The following USH2A variants were observed in gnomAD, a reference collection of about 807,000 sequenced individuals.
USH2A encodes the protein Usher syndrome 2A (autosomal recessive, mild).
USH2A carries 443 observed loss-of-function variants against 538.9 expected under a neutral mutation model. The observed-to-expected ratio is 0.82, with a 90% CI of 0.76 to 0.89. The LOEUF (loss-of-function observed/expected upper bound fraction) is 0.89. Ranked by LOEUF, USH2A falls within the 40% of genes least tolerant of loss-of-function variation. The pLI, the probability that USH2A is intolerant of heterozygous loss-of-function variation, is 0.00. For missense variants in USH2A, 6,633 were observed against 6,324.8 expected (o/e 1.05, Z -1.65); for synonymous variants, 2,413 against 2,273.5 (o/e 1.06, Z -1.75).
At chr1:215,859,224 C>T (rs551448887) in intron 44 of USH2A, among the ~76,000 whole-genome samples, 101 of 152,118 alleles carry the variant, frequency 6.6e-4, no homozygotes, top group African/African-American at 2.3e-3. Context: ...CTTTTTTCAA[C>T]CAAACAAGAA....
chr1:215,771,437 G>T (rs912354086), intron 55 of USH2A, among the ~76,000 whole-genome samples: 40 of 150,444 alleles, frequency 2.7e-4, no homozygotes, highest in Admixed American at 2.4e-3. Context: ...AAAATTAGCC[G>T]GGCGTAGTGG....
chr1:216,202,024 T>C (rs2035012508), intron 16 of USH2A, among the ~76,000 whole-genome samples: 1 of 152,132 alleles, frequency 6.6e-6, no homozygotes, highest in African/African-American at 2.4e-5. Flanking sequence ...ATTTACTAGA[T>C]TAGATTAAAG....
At chr1:216,083,411 G>A in intron 26 of USH2A, 45 bp downstream of exon 26, 2 of 1,585,190 alleles carry the variant, frequency 1.3e-6, no homozygotes, top group African/African-American at 2.7e-5. Context: ...TTTTAAAGTT[G>A]GGTCCTATAT....
intron 15 of USH2A, among the ~76,000 whole-genome samples, chr1:216,209,451 A>G (rs1372224813): frequency 6.6e-6 from 1 of 152,196 alleles, no homozygotes; most frequent in Admixed American, 6.5e-5. Flanking sequence ...AAAAGTAGGG[A>G]ACAGTAAAGT....
At chr1:215,863,291 T>C (rs1352978947) in intron 44 of USH2A, among the ~76,000 whole-genome samples, 1 of 151,972 alleles carries the variant, frequency 6.6e-6, no homozygotes, top group African/African-American at 2.4e-5. Flanking sequence ...AGGAAGACAA[T>C]GGAAAAGTCA....
chr1:215,900,465 T>C (rs543185469), intron 39 of USH2A, among the ~76,000 whole-genome samples: 3 of 152,314 alleles, frequency 2.0e-5, no homozygotes, highest in South Asian at 4.1e-4. Context: ...AGAATAGGTA[T>C]TATAATTTGT....
chr1:215,681,542 A>T (rs577931991), intron 61 of USH2A, among the ~76,000 whole-genome samples: 1 of 152,332 alleles, frequency 6.6e-6, no homozygotes, highest in East Asian at 1.9e-4. Context: ...AAAGTGGAGT[A>T]GTGAAAGTTA....
intron 64 of USH2A, among the ~76,000 whole-genome samples, chr1:215,654,228 T>C (rs2102647649): frequency 6.6e-6 from 1 of 152,284 alleles, no homozygotes; most frequent in Non-Finnish European, 1.5e-5. Flanking sequence ...CGTGCAGGTT[T>C]GTTACATAGG....
At chr1:215,694,775 T>C (rs1021670457) in intron 61 of USH2A, among the ~76,000 whole-genome samples, 3 of 152,338 alleles carry the variant, frequency 2.0e-5, no homozygotes, top group East Asian at 1.9e-4. Context: ...TAGGATTTCA[T>C]TGTAAGGATT....
intron 3 of USH2A, among the ~76,000 whole-genome samples, chr1:216,378,705 C>T (rs2038879790): frequency 6.6e-6 from 1 of 151,956 alleles, no homozygotes; most frequent in South Asian, 2.1e-4. Flanking sequence ...CCTCACCCAC[C>T]CCTCACCAGG....
intron 46 of USH2A, among the ~76,000 whole-genome samples, chr1:215,838,558 A>G (rs1191188854): frequency 2.0e-5 from 3 of 152,192 alleles, no homozygotes; most frequent in Admixed American, 2.0e-4. Flanking sequence ...TGGAGGAAAA[A>G]TGAGGCCTAG....
At chr1:215,777,077 G>A (rs1247454287) in intron 55 of USH2A, among the ~76,000 whole-genome samples, 4 of 152,074 alleles carry the variant, frequency 2.6e-5, no homozygotes, top group African/African-American at 9.7e-5. Flanking sequence ...GTAGAACAGG[G>A]AGATTGGTCA....
At chr1:216,080,512 C>A (rs1175715337) in intron 26 of USH2A, among the ~76,000 whole-genome samples, 2 of 152,012 alleles carry the variant, frequency 1.3e-5, no homozygotes, top group South Asian at 2.1e-4. Flanking sequence ...AATGTACAGT[C>A]ATTTTAGGGA....
At chr1:215,884,442 T>A (rs759135035) in intron 41 of USH2A, among the ~76,000 whole-genome samples, 8 of 152,124 alleles carry the variant, frequency 5.3e-5, no homozygotes, top group Non-Finnish European at 1.0e-4. Flanking sequence ...CAGAACCCTA[T>A]TGCCTGGGTG....
intron 61 of USH2A, among the ~76,000 whole-genome samples, chr1:215,698,805 T>C (rs1341575653): frequency 1.3e-5 from 2 of 152,230 alleles, no homozygotes; most frequent in Non-Finnish European, 2.9e-5. Context: ...TTTCTTTTGC[T>C]GTGCAGAAGC....
chr1:216,289,623 A>T (rs1165750883), intron 10 of USH2A, among the ~76,000 whole-genome samples: 2 of 152,150 alleles, frequency 1.3e-5, no homozygotes, highest in Non-Finnish European at 2.9e-5. Context: ...TTAAACTCCC[A>T]TCTGTTATAT....
chr1:216,178,763 C>T (rs1388555040), intron 20 of USH2A, among the ~76,000 whole-genome samples: 1 of 152,034 alleles, frequency 6.6e-6, no homozygotes, highest in Non-Finnish European at 1.5e-5. Flanking sequence ...AATACGGTAA[C>T]CACTAGCCTT....
chr1:216,268,422 T>G (rs1214970949), intron 11 of USH2A, among the ~76,000 whole-genome samples: 1 of 152,114 alleles, frequency 6.6e-6, no homozygotes, highest in Non-Finnish European at 1.5e-5. Flanking sequence ...TGTAAACATG[T>G]TTAGCATCAT....
intron 47 of USH2A, among the ~76,000 whole-genome samples, chr1:215,833,184 T>C (rs1342893723): frequency 6.6e-6 from 1 of 151,924 alleles, no homozygotes; most frequent in Non-Finnish European, 1.5e-5. Flanking sequence ...ACATGTTTTG[T>C]AGATATCAAT....
Sources: gnomAD v4.1 joint callset for allele counts (sites outside exome capture counted in the v4.1 genomes callset) on GRCh38, gnomAD v4.1.1 for gene constraint, MANE v1.5 for transcripts, NCBI Gene and HGNC (gene_info 2026-07-23, HGNC 2026-07-21) for gene names.